Variants in CD58 observed in about 807,000 individuals in gnomAD.
CD58 encodes lymphocyte function-associated antigen 3.
CD58 carries 14 observed loss-of-function variants against 27.6 expected under a neutral mutation model. That is an observed-to-expected ratio of 0.51 (90% CI 0.34 to 0.79). The LOEUF is 0.79. Among genes scored for constraint, CD58 ranks in the 30% least tolerant of loss-of-function variants. The pLI is 0.02. For synonymous variants in CD58, 117 were observed against 103.8 expected, an observed-to-expected ratio of 1.13 and a Z score of -0.77; for missense variants, 268 against 301.7, an observed-to-expected ratio of 0.89 and a Z score of 0.83.
rs1658173791 is a variant in CD58 at position 116,546,468 on chromosome 1, C to T, written c.71-1864G>A. On this transcript the variant is annotated intron_variant, in intron 1 of 5. Coordinates refer to ENST00000369489, the MANE Select transcript of CD58 (RefSeq NM_001779.3). The surrounding 1 kb of genome is among the most constrained non-coding windows in gnomAD (Gnocchi z 4.1). ...TGCCGATTATGCATTATTTCCTCCACTCAACAGAGTATGTGGGAAGGCACA... is the reference window on the plus strand; with the variant it reads ...TGCCGATTATGCATTATTTCCTCCATTCAACAGAGTATGTGGGAAGGCACA... Among the ~76,000 whole-genome samples the T allele has an allele frequency of 6.6e-6, 1 of 152,202 alleles. No individual in the cohort carries two copies. The highest frequency in any genetic ancestry group is 6.5e-5 in the Admixed American group (1 of 15,280).
intron 2 of CD58, among the ~76,000 whole-genome samples, chr1:116,537,775 T>C (rs1286441667): frequency 1.3e-5 from 2 of 152,222 alleles, no homozygotes; most frequent in Admixed American, 6.5e-5. Flanking sequence ...CCTCCAGCAA[T>C]TAATCATAAG....
At chr1:116,554,154 T>C (rs1658485471) in intron 1 of CD58, among the ~76,000 whole-genome samples, 1 of 152,204 alleles carries the variant, frequency 6.6e-6, no homozygotes, top group Non-Finnish European at 1.5e-5. Flanking sequence ...AATAAAACAA[T>C]AGTATAACCT....
In CD58 at chr1:116,550,883, A is replaced by G. The variant is rs1489810880; in HGVS notation, c.71-6279T>C. Reference sequence around the variant, plus strand: ...ATTAGCAAGCATGAAAACAACACTCATCTCCTTGTACATCTCCATCAGAGC... The same window carrying G: ...ATTAGCAAGCATGAAAACAACACTCGTCTCCTTGTACATCTCCATCAGAGC... On this transcript the variant is annotated intron_variant, in intron 1 of 5. Transcript: ENST00000369489. The surrounding 1 kb of genome is among the most constrained non-coding windows in gnomAD (Gnocchi z 4.2). 6.6e-6 allele frequency among the ~76,000 whole-genome samples: 1 copy of G among 152,318 alleles called. No individual in the cohort carries two copies. The highest frequency in any genetic ancestry group is 2.4e-5 in the African/African-American group (1 of 41,578).
intron 1 of CD58, among the ~76,000 whole-genome samples, chr1:116,549,635 T>C (rs1246448904): frequency 4.6e-5 from 7 of 152,200 alleles, no homozygotes; most frequent in Admixed American, 4.6e-4. Flanking sequence ...CATACAACTT[T>C]ACACTAATGA....
In CD58 at chr1:116,546,611, A is replaced by G. The variant is rs1391063169; in HGVS notation, c.71-2007T>C. On this transcript the variant is annotated intron_variant, in intron 1 of 5. Coordinates refer to ENST00000369489, the MANE Select transcript of CD58 (RefSeq NM_001779.3). The surrounding 1 kb of genome is among the most constrained non-coding windows in gnomAD (Gnocchi z 4.1). Reference sequence around the variant, plus strand: ...ATAGAGGGCAGGGTGGTGGTGAAAGAGTAGGTATGAGATAAACTGCCATAC... The same window carrying G: ...ATAGAGGGCAGGGTGGTGGTGAAAGGGTAGGTATGAGATAAACTGCCATAC... Among the ~76,000 whole-genome samples, 3 of 152,242 alleles carry G rather than the reference A, an allele frequency of 2.0e-5. No individual in the cohort carries two copies. Among genetic ancestry groups the G allele is most frequent in the Non-Finnish European group, 4.4e-5 (3 of 68,048 alleles).
chr1:116,550,668 T>G lies in CD58; in HGVS notation c.71-6064A>C. Among the ~76,000 whole-genome samples, 1 of 152,160 alleles carries G rather than the reference T, an allele frequency of 6.6e-6. No individual in the cohort carries two copies. The highest frequency in any genetic ancestry group is 1.9e-4 in the East Asian group (1 of 5,200). On this transcript the variant is annotated intron_variant, in intron 1 of 5. Coordinates refer to ENST00000369489, the MANE Select transcript of CD58 (RefSeq NM_001779.3). This position sits in a 1 kb window ranked among gnomAD's most constrained non-coding sequence, Gnocchi z 4.2. ...ATGTTGATATTTTGATCTTCTCCCA[T>G]GAACCACAAATATTCTTAATGACAT...
chr1:116,533,374 A>C (rs1657681120), intron 3 of CD58: 3 of 911,920 alleles, frequency 3.3e-6, no homozygotes, highest in Non-Finnish European at 3.7e-6. Flanking sequence ...GGACCTGCAA[A>C]TGAAAAGGGA....
Position 116,521,785 on chromosome 1 carries a change from A to T in CD58, c.706+121T>A, listed in dbSNP as rs1042126265. On this transcript the variant is annotated intron_variant, in intron 4 of 5. Coordinates refer to ENST00000369489, the MANE Select transcript of CD58 (RefSeq NM_001779.3). This position sits in a 1 kb window ranked among gnomAD's most constrained non-coding sequence, Gnocchi z 5.6. ...CAGTCCCACACACGTAAAGCAAAAA[A>T]GTTTTTGTTTCTTTTCAAATGTCTA... 1 of 688,132 alleles carries T rather than the reference A, an allele frequency of 1.5e-6. No individual in the cohort carries two copies. Among genetic ancestry groups the T allele is most frequent in the Non-Finnish European group, 2.6e-6 (1 of 385,550 alleles). The allele number at this position is 688,132 out of a possible 1,614,324, so 42.6% of individuals were successfully genotyped here.
At chr1:116,526,820 A>G (rs1441532457) in intron 3 of CD58, among the ~76,000 whole-genome samples, 1 of 152,246 alleles carries the variant, frequency 6.6e-6, no homozygotes. Flanking sequence ...CTATGAACAT[A>G]GAATATCTCT....
At chr1:116,561,841 A>G (rs771916177) in intron 1 of CD58, among the ~76,000 whole-genome samples, 2 of 152,212 alleles carry the variant, frequency 1.3e-5, no homozygotes, top group Admixed American at 1.3e-4. Flanking sequence ...AATGTTCCCT[A>G]TGTAATAAAA....
chr1:116,532,885 T>C lies in CD58; in HGVS notation c.628+3080A>G. 1 of 760,952 alleles carries C rather than the reference T, an allele frequency of 1.3e-6. No homozygotes were observed. The highest frequency in any genetic ancestry group is 2.2e-6 in the Non-Finnish European group (1 of 451,240). 47.1% of individuals were successfully genotyped at this position (760,952 alleles called of 1,614,324 possible). A position where few individuals can be genotyped will look rare whatever the true frequency, so the allele number is the denominator to read the frequency against. ...TGCGGCAAAGACTGAGGCCTCCCGCTACAGGCCCGGAGTCGCGACAGCCGG... is the reference window on the plus strand; with the variant it reads ...TGCGGCAAAGACTGAGGCCTCCCGCCACAGGCCCGGAGTCGCGACAGCCGG... On this transcript the variant is annotated intron_variant, in intron 3 of 5. Transcript: ENST00000369489. This position sits in a 1 kb window ranked among gnomAD's most constrained non-coding sequence, Gnocchi z 5.1.
rs1657259283 is a variant in CD58 at position 116,521,433 on chromosome 1, A to C, written c.706+473T>G. Among the ~76,000 whole-genome samples the C allele has an allele frequency of 6.6e-6, 1 of 152,162 alleles. No individual in the cohort carries two copies. Among genetic ancestry groups the C allele is most frequent in the Non-Finnish European group, 1.5e-5 (1 of 68,032 alleles). ...AGCTGTATGACTGCCCAAGATTGCT[A>C]GGGGACTGAGAAGGCTCAGGAAGTA... On this transcript the variant is annotated intron_variant, in intron 4 of 5. Coordinates refer to ENST00000369489, the MANE Select transcript of CD58 (RefSeq NM_001779.3). This position sits in a 1 kb window ranked among gnomAD's most constrained non-coding sequence, Gnocchi z 5.6.
intron 3 of CD58, among the ~76,000 whole-genome samples, chr1:116,529,432 C>T (rs777619935): frequency 4.6e-5 from 7 of 152,210 alleles, no homozygotes; most frequent in East Asian, 1.9e-4. Flanking sequence ...AATTTTCAAA[C>T]GGTTAACCAA....
At chr1:116,548,341 G>C (rs1658265228) in intron 1 of CD58, among the ~76,000 whole-genome samples, 1 of 108,318 alleles carries the variant, frequency 9.2e-6, no homozygotes. Flanking sequence ...TGTTGCATTT[G>C]TTTTTGGGTT....
rs952933980 is a variant in CD58 at position 116,570,005 on chromosome 1, C to T, written c.70+898G>A. 6.6e-6 allele frequency among the ~76,000 whole-genome samples: 1 copy of T among 152,198 alleles called. No homozygotes were observed. Among genetic ancestry groups the T allele is most frequent in the African/African-American group, 2.4e-5 (1 of 41,460 alleles). ...TCCATAGATGCACACGCGCACCTCC[C>T]GGGCAGGCAGCGGACGCTGAGCAAA... On this transcript the variant is annotated intron_variant, in intron 1 of 5. Transcript: ENST00000369489. This position sits in a 1 kb window ranked among gnomAD's most constrained non-coding sequence, Gnocchi z 6.4.
At chr1:116,544,982 G>A (rs141996540) in intron 1 of CD58, among the ~76,000 whole-genome samples, 3 of 152,202 alleles carry the variant, frequency 2.0e-5, no homozygotes, top group African/African-American at 7.2e-5. Flanking sequence ...CTGACATAAC[G>A]TGCAAATCAC....
In CD58 at chr1:116,532,824, AGATGG is replaced by A; in HGVS notation, c.628+3136_628+3140del. 1.8e-6 allele frequency: 1 copy of A among 560,650 alleles called. No homozygotes were observed. The highest frequency in any genetic ancestry group is 3.2e-6 in the Non-Finnish European group (1 of 311,272). 34.7% of individuals were successfully genotyped at this position (560,650 alleles called of 1,614,324 possible). On this transcript the variant is annotated intron_variant, in intron 3 of 5. Transcript: ENST00000369489. This position sits in a 1 kb window ranked among gnomAD's most constrained non-coding sequence, Gnocchi z 5.1. ...GAAAATCATGCACTTGAAAACGATT[AGATGG>A]AGTAAGCGCTGTCGACGGGATTGTG...
chr1:116,526,371 A>C (rs1657434089), intron 3 of CD58, among the ~76,000 whole-genome samples: 1 of 152,230 alleles, frequency 6.6e-6, no homozygotes. Flanking sequence ...TGTGAAGGGC[A>C]TAAGGTCTGT....
intron 3 of CD58, among the ~76,000 whole-genome samples, chr1:116,530,372 A>AT (rs1217319795): frequency 6.6e-6 from 1 of 151,706 alleles, no homozygotes; most frequent in African/African-American, 2.4e-5. Flanking sequence ...CACCTGACTA[A>AT]TTTTTTGTAT....
Sources: allele counts gnomAD v4.1 joint callset (sites outside exome capture counted in the v4.1 genomes callset), GRCh38; gene constraint gnomAD v4.1.1; non-coding constraint Gnocchi (gnomAD v3.1); transcripts MANE v1.5; gene names NCBI Gene and HGNC (gene_info 2026-07-23, HGNC 2026-07-21).